KLF17: variants seen among roughly 807,000 people sequenced by gnomAD.
KLF17 encodes the protein KLF transcription factor 17, also known as Krueppel-like factor 17.
A neutral mutation model predicts 34.2 loss-of-function variants in KLF17; 31 were observed. The ratio of observed to expected loss-of-function variants is 0.91; its 90% confidence interval spans 0.68 to 1.22. The LOEUF is 1.22. Ranked by LOEUF, KLF17 falls within the 50% of genes most tolerant of loss-of-function variation. The probability of loss-of-function intolerance (pLI) is 0.00; values close to 1 mark genes in which losing one functional copy is unlikely to be tolerated. For synonymous variants in KLF17, 179 were observed against 186.7 expected (o/e 0.96, Z 0.34); for missense variants, 478 against 505.2 (o/e 0.95, Z 0.52).
chr1:44,046,539 T>TCA, the KLF17 span, among the ~76,000 whole-genome samples: 845 of 25,292 alleles, frequency 0.033, 7 homozygotes, highest in Non-Finnish European at 0.072. Context: ...ACACACACAC[T>TCA]CACACACACA....
upstream of KLF17, among the ~76,000 whole-genome samples, chr1:44,116,148 G>T (rs1200675657): frequency 2.0e-5 from 3 of 152,148 alleles, no homozygotes; most frequent in East Asian, 3.8e-4. Flanking sequence ...ACTGAAAGAG[G>T]CATCAAATGG....
At chr1:44,051,777 G>C in the KLF17 span, among the ~76,000 whole-genome samples, 1 of 152,106 alleles carries the variant, frequency 6.6e-6, no homozygotes, top group Non-Finnish European at 1.5e-5. Context: ...AGGACACTTG[G>C]CCATGCAAGG....
At chr1:44,131,555 G>GC (rs2088109616) in intron 3 of KLF17, among the ~76,000 whole-genome samples, 1 of 152,128 alleles carries the variant, frequency 6.6e-6, no homozygotes, top group African/African-American at 2.4e-5. Flanking sequence ...CACATATACT[G>GC]CATCATTCTC....
intron 1 of KLF17, among the ~76,000 whole-genome samples, chr1:44,127,640 TTCTTTCTTTCTTTC>T (rs1557731771): frequency 1.6e-5 from 1 of 63,776 alleles, no homozygotes; most frequent in African/African-American, 1.0e-4. Context: ...TTTTCTTTCC[TTCTTTCTTTCTTTC>T]TTTCTTTCTT....
chr1:44,087,336 C>A, the KLF17 span, among the ~76,000 whole-genome samples: 1 of 151,942 alleles, frequency 6.6e-6, no homozygotes, highest in African/African-American at 2.4e-5. Context: ...CTCACTGCAG[C>A]CTCCACTTCC....
At chr1:44,044,803 T>C in the KLF17 span, 1 of 152,284 alleles carries the variant, frequency 6.6e-6, no homozygotes, top group African/African-American at 2.4e-5. Flanking sequence ...CCGATACTTG[T>C]AAAGTGTTCA....
intron 1 of KLF17, among the ~76,000 whole-genome samples, chr1:44,126,894 G>A (rs1424763437): frequency 6.6e-6 from 1 of 151,546 alleles, no homozygotes; most frequent in African/African-American, 2.4e-5. Flanking sequence ...TTTAAATTTA[G>A]CATTATTATT....
At chr1:44,095,494 C>T in the KLF17 span, among the ~76,000 whole-genome samples, 3 of 152,078 alleles carry the variant, frequency 2.0e-5, no homozygotes, top group Admixed American at 6.6e-5. Flanking sequence ...GGATTACAGA[C>T]ATGAGCCACC....
the KLF17 span, among the ~76,000 whole-genome samples, chr1:44,080,236 C>CTTTTTTTTTTTTTTTTTT: frequency 1.1e-5 from 1 of 94,130 alleles, no homozygotes; most frequent in Non-Finnish European, 2.0e-5. Context: ...CCCTCTGTGT[C>CTTTTTTTTTTTTTTTTTT]TTTTTTTTTT....
the KLF17 span, among the ~76,000 whole-genome samples, chr1:44,100,180 C>T: frequency 2.7e-5 from 4 of 150,408 alleles, 1 homozygote; most frequent in South Asian, 4.2e-4. Context: ...AGGCAGGGAA[C>T]CTGGGAGGCA....
chr1:44,103,151 TC>T, the KLF17 span, among the ~76,000 whole-genome samples: 1 of 152,150 alleles, frequency 6.6e-6, no homozygotes, highest in African/African-American at 2.4e-5. Context: ...CAAGGGGGTA[TC>T]CCCAAGCAGT....
At chr1:44,104,546 G>A in the KLF17 span, 1 of 685,798 alleles carries the variant, frequency 1.5e-6, no homozygotes, top group Non-Finnish European at 2.7e-6. Context: ...CCTCCTAAGG[G>A]GGCTCAGCAG....
the KLF17 span, among the ~76,000 whole-genome samples, chr1:44,096,627 C>T: frequency 6.6e-6 from 1 of 151,922 alleles, no homozygotes; most frequent in Non-Finnish European, 1.5e-5. Flanking sequence ...GTCTCGATCT[C>T]GTGACCTTGT....
chr1:44,089,878 T>C, the KLF17 span, among the ~76,000 whole-genome samples: 43 of 152,006 alleles, frequency 2.8e-4, 1 homozygote, highest in Non-Finnish European at 4.4e-4. Context: ...ATAGACAGTA[T>C]GGGATGGGTG....
At chr1:44,096,290 C>G in the KLF17 span, among the ~76,000 whole-genome samples, 1 of 152,070 alleles carries the variant, frequency 6.6e-6, no homozygotes, top group Non-Finnish European at 1.5e-5. Context: ...TGTCTGTAAA[C>G]AAGGATAATT....
chr1:44,088,107 TTTTA>T, the KLF17 span: 13 of 182,590 alleles, frequency 7.1e-5, no homozygotes, highest in Admixed American at 1.0e-4. Flanking sequence ...GCACTCTTAT[TTTTA>T]TTTATTTATT....
At chr1:44,091,893 G>A in the KLF17 span, among the ~76,000 whole-genome samples, 2 of 140,710 alleles carry the variant, frequency 1.4e-5, no homozygotes, top group Admixed American at 7.3e-5. Flanking sequence ...CCTGGGGGGT[G>A]AGAGAGAAAA....
chr1:44,082,039 T>C, the KLF17 span, among the ~76,000 whole-genome samples: 4 of 152,366 alleles, frequency 2.6e-5, no homozygotes, highest in Non-Finnish European at 4.4e-5. Context: ...GGAAAGTTAA[T>C]GTCCAGAGCC....
the KLF17 span, among the ~76,000 whole-genome samples, chr1:44,098,369 A>C: frequency 8.6e-5 from 13 of 151,712 alleles, no homozygotes; most frequent in African/African-American, 3.1e-4. Flanking sequence ...AGTCTATCTA[A>C]AGGGTTGTTA....
Sources: gnomAD v4.1 joint callset for allele counts (sites outside exome capture counted in the v4.1 genomes callset) on GRCh38, gnomAD v4.1.1 for gene constraint, MANE v1.5 for transcripts, NCBI Gene and HGNC (gene_info 2026-07-23, HGNC 2026-07-21) for gene names.